The following MYH10 variants were observed in gnomAD, a reference collection of about 807,000 sequenced individuals.
The protein encoded by MYH10 is myosin heavy chain 10.
A neutral mutation model predicts 257.8 loss-of-function variants in MYH10; 55 were observed. The ratio of observed to expected loss-of-function variants is 0.21; its 90% CI spans 0.17 to 0.27. The LOEUF (loss-of-function observed/expected upper bound fraction) is 0.27, where lower values mean the gene tolerates loss of function less well. Among genes scored for constraint, MYH10 ranks in the 10% least tolerant of loss-of-function variants. The pLI is 1.00. For missense variants in MYH10, 1,631 were observed against 2,500.6 expected (o/e 0.65, Z 7.42); for synonymous variants, 854 against 921.7 (o/e 0.93, Z 1.33).
chr17:8,552,211 A>G lies in MYH10; in HGVS notation c.821-67T>C, dbSNP rs1025998869. The G allele has an allele frequency of 4.1e-6, 3 of 736,814 alleles. No individual in the cohort carries two copies. The African/African-American group carries it at 5.5e-5, about 13-fold the overall frequency. 45.6% of individuals were successfully genotyped at this position (736,814 alleles called of 1,614,324 possible). On this transcript the variant is annotated intron_variant, in intron 8 of 42. Transcript: ENST00000360416. This position sits in a 1 kb window ranked among gnomAD's most constrained non-coding sequence, Gnocchi z 4.8. ...CTTAAATAAATAAAGGCCCTCTTTC[A>G]GCGTCTGTAAATTTAAATCATAAAA...
rs1007017744 is a variant in MYH10, at chr17:8,518,788, G to A, written c.2347C>T (p.Arg783Trp). The A allele has an allele frequency of 9.9e-6, 16 of 1,608,300 alleles. No homozygotes were observed. Among genetic ancestry groups the A allele is most frequent in the South Asian group, 2.2e-5 (2 of 89,498 alleles). The change falls in exon 21 of 43, where the codon CGG becomes TGG. Residue 783 changes from arginine (R) to tryptophan (W), a missense_variant. Arg to Trp is a moderately radical substitution (Grantham distance 101). Coordinates refer to ENST00000360416, the MANE Select transcript of MYH10 (RefSeq NM_001256012.3). The stretch of plus-strand genomic sequence containing the variant: ...AAGTTTGGGTCCAATTCTAAAGCCC[G>A]GATCTAAGAGAGAAAGAGTTTATTT... ...DGKQACERMIRALELDPNLYR... is the reference protein window; with the variant it reads ...DGKQACERMIWALELDPNLYR...
intron 21 of MYH10, among the ~76,000 whole-genome samples, chr17:8,516,185 C>A (rs2081462737): frequency 6.6e-6 from 1 of 152,204 alleles, no homozygotes; most frequent in African/African-American, 2.4e-5. Context: ...TGACATCAAC[C>A]TATCTCCGAG....
At chr17:8,572,348 C>T (rs777515676) in intron 6 of MYH10, among the ~76,000 whole-genome samples, 6 of 151,884 alleles carry the variant, frequency 4.0e-5, no homozygotes, top group Non-Finnish European at 7.4e-5. Context: ...TCCCCTGTGC[C>T]TAACTCGGTC....
Position 8,492,815 on chromosome 17 carries a change from G to A in MYH10, c.4419C>T (p.Val1473=). The A allele has an allele frequency of 1.9e-6, 3 of 1,613,916 alleles. No individual in the cohort carries two copies. The highest frequency in any genetic ancestry group is 2.5e-6 in the Non-Finnish European group (3 of 1,180,022). Reference sequence around the variant, plus strand: ...TCTGCTTCTTCTCCAAGTTGGAGGCGACCTGGCGCTGGTGGTCCAGGTCCA... The same window carrying A: ...TCTGCTTCTTCTCCAAGTTGGAGGCAACCTGGCGCTGGTGGTCCAGGTCCA... ...LTVDLDHQRQ[V]ASNLEKKQKK... is the part of the protein sequence containing the mutation. Residue 1473 remains valine, a synonymous_variant, in exon 33 of 43, where the codon GTC becomes GTT. Coordinates refer to ENST00000360416, the MANE Select transcript of MYH10 (RefSeq NM_001256012.3).
intron 19 of MYH10, 66 bp from the exon 20 acceptor site, chr17:8,519,016 G>T (rs538454366): frequency 2.2e-5 from 28 of 1,282,472 alleles, no homozygotes; most frequent in East Asian, 2.1e-4. Flanking sequence ...TACTAACTGT[G>T]TGTTTTGCTC....
chr17:8,480,300 C>T lies in MYH10; in HGVS notation c.5407G>A (p.Glu1803Lys). 6.2e-7 allele frequency: 1 copy of T among 1,614,060 alleles called. No individual in the cohort carries two copies. The highest frequency in any genetic ancestry group is 8.5e-7 in the Non-Finnish European group (1 of 1,180,020). Residue 1803 changes from glutamate to lysine, a missense_variant, in exon 40 of 43, where the codon GAG (glutamate) becomes AAG (lysine). Glu to Lys is a moderately conservative substitution (Grantham distance 56). This residue lies in a region of MYH10 where 343 missense variants were observed against 389.5 expected (regional missense o/e 0.88). Transcript: ENST00000360416. ...TTLQVDTLNA[E>K]LAAERSAAQK... The stretch of plus-strand genomic sequence containing the variant: ...GCGGCGCTGCGCTCGGCTGCTAGCT[C>T]GGCGTTCAGTGTGTCCACCTAGAGA...
chr17:8,574,773 A>G (rs567172978), intron 6 of MYH10, among the ~76,000 whole-genome samples: 24 of 152,348 alleles, frequency 1.6e-4, no homozygotes, highest in Admixed American at 5.2e-4. Context: ...GTAACCTTGG[A>G]AAGTACAGAC....
chr17:8,624,560 T>C (rs1023636166), intron 1 of MYH10, among the ~76,000 whole-genome samples: 2 of 152,222 alleles, frequency 1.3e-5, no homozygotes, highest in African/African-American at 4.8e-5. Flanking sequence ...AGGTTCTTTG[T>C]AGGCAAGAGG....
chr17:8,583,181 T>C (rs571696171), intron 4 of MYH10, among the ~76,000 whole-genome samples: 3 of 152,308 alleles, frequency 2.0e-5, no homozygotes, highest in Admixed American at 6.5e-5. Context: ...ATTGCAAAGA[T>C]TAACGGAGAG....
chr17:8,575,947 C>A (rs2083482055), intron 6 of MYH10, among the ~76,000 whole-genome samples: 1 of 152,188 alleles, frequency 6.6e-6, no homozygotes, highest in African/African-American at 2.4e-5. Flanking sequence ...CAGTCTTCCA[C>A]TACTTGCCCA....
intron 2 of MYH10, among the ~76,000 whole-genome samples, chr17:8,619,030 C>G (rs1029285587): frequency 6.6e-6 from 1 of 152,104 alleles, no homozygotes; most frequent in Non-Finnish European, 1.5e-5. Flanking sequence ...ATGAAAATAG[C>G]ATTCTACTTA....
chr17:8,486,543 C>CAAAAAAAAAAAA (rs67844660), intron 36 of MYH10, among the ~76,000 whole-genome samples: 2 of 120,766 alleles, frequency 1.7e-5, no homozygotes, highest in African/African-American at 6.8e-5. Flanking sequence ...TATTTAGCTT[C>CAAAAAAAAAAAA]AAAAAAAAAA....
chr17:8,605,076 G>A (rs1194974727), intron 2 of MYH10, 94 bp from the exon 3 acceptor site: 1 of 631,542 alleles, frequency 1.6e-6, no homozygotes, highest in Non-Finnish European at 2.4e-6. Context: ...AGTCATTTAA[G>A]CAGGAGATCT....
At position 8,506,199 on chromosome 17, in the gene MYH10, A is replaced by C. The variant is rs1362395228; in HGVS notation, c.3386+119T>G. The C allele has an allele frequency of 1.6e-5, 17 of 1,084,972 alleles. No individual in the cohort carries two copies. The highest frequency in any genetic ancestry group is 2.2e-5 in the Non-Finnish European group (17 of 785,542). The allele number at this position is 1,084,972 out of a possible 1,614,324, so 67.2% of individuals were successfully genotyped here. On this transcript the variant is annotated intron_variant, in intron 27 of 42. Transcript: ENST00000360416. This position sits in a 1 kb window ranked among gnomAD's most constrained non-coding sequence, Gnocchi z 5.0. ...GCTTTTCACTTTCTCAGGTCACACC[A>C]AACAGCAAGCAAACCCCATCTCACT...
At chr17:8,527,172 T>C (rs1444201804) in intron 17 of MYH10, among the ~76,000 whole-genome samples, 1 of 152,226 alleles carries the variant, frequency 6.6e-6, no homozygotes, top group Admixed American at 6.5e-5. Context: ...CGTGGTACTG[T>C]AATAACAAGT....
At chr17:8,618,303 C>CA (rs1343741029) in intron 2 of MYH10, among the ~76,000 whole-genome samples, 14 of 149,152 alleles carry the variant, frequency 9.4e-5, no homozygotes, top group Non-Finnish European at 1.5e-5. Flanking sequence ...GGCTGGAGGG[C>CA]AATGGCACGA....
At chr17:8,500,007 A>G (rs7213261) in intron 29 of MYH10, among the ~76,000 whole-genome samples, 146,592 of 152,234 alleles carry the variant, frequency 0.96, 70,829 homozygotes, top group East Asian at 1. Context: ...ACCTAACACC[A>G]CTGGACCTCA....
At chr17:8,480,565 C>T in intron 38 of MYH10, 40 bp from the exon 39 acceptor site, 4 of 1,599,394 alleles carry the variant, frequency 2.5e-6, no homozygotes, top group Non-Finnish European at 3.4e-6. Context: ...AATCCCAGCT[C>T]AGCACAGCAC....
chr17:8,505,028 G>A (rs989803442), intron 27 of MYH10, 122 bp from the exon 28 acceptor site: 1 of 805,336 alleles, frequency 1.2e-6, no homozygotes, highest in South Asian at 1.6e-5. Context: ...CCTCCTCCTG[G>A]GGCCTGAGGC....
Sources: gnomAD v4.1 joint callset for allele counts (sites outside exome capture counted in the v4.1 genomes callset) on GRCh38, gnomAD v4.1.1 for gene constraint, gnomAD v4.1.1 regional missense constraint, Gnocchi (gnomAD v3.1) non-coding constraint, MANE v1.5 for transcripts, NCBI Gene and HGNC (gene_info 2026-07-23, HGNC 2026-07-21) for gene names.